The following UGT1A7 variants were observed in gnomAD, a reference collection of about 807,000 sequenced individuals.
UGT1A7 encodes UDP-glucuronosyltransferase 1A7.
UGT1A7 carries 33 observed loss-of-function variants against 45.6 expected under a neutral mutation model. That is an observed-to-expected ratio of 0.72 (90% CI 0.55 to 0.97). UGT1A7 has a LOEUF of 0.97. Among genes scored for constraint, UGT1A7 ranks in the 50% least tolerant of loss-of-function variants. The pLI is 0.00. For missense variants in UGT1A7, 684 were observed against 666.2 expected (o/e 1.03, Z -0.29); for synonymous variants, 274 against 250.6 (o/e 1.09, Z -0.88).
Position 233,773,207 on chromosome 2 carries a change from A to G in UGT1A7, c.*648A>G, listed in dbSNP as rs1436243452. On this transcript the variant is annotated 3_prime_UTR_variant, in exon 5 of 5. Coordinates refer to ENST00000373426, the MANE Select transcript of UGT1A7 (RefSeq NM_019077.3). ...TCAAATGGAGCTGAATTTGATAAAAACCCAAAATACAGCTATGAAGTGCTG... is the reference window on the plus strand; with the variant it reads ...TCAAATGGAGCTGAATTTGATAAAAGCCCAAAATACAGCTATGAAGTGCTG... 1 of 152,384 alleles carries G rather than the reference A, an allele frequency of 6.6e-6. No homozygotes were observed. The highest frequency in any genetic ancestry group is 2.4e-5 in the African/African-American group (1 of 41,416). The allele number at this position is 152,384 out of a possible 1,614,324, so 9.4% of individuals were successfully genotyped here. A position where few individuals can be genotyped will look rare whatever the true frequency, so the allele number is the denominator to read the frequency against.
intron 1 of UGT1A7, among the ~76,000 whole-genome samples, chr2:233,715,166 G>A (rs568439911): frequency 2.0e-5 from 3 of 152,228 alleles, no homozygotes; most frequent in East Asian, 3.9e-4. Context: ...AATTACAGGC[G>A]CGAGCCACCA....
intron 1 of UGT1A7, among the ~76,000 whole-genome samples, chr2:233,737,492 C>T (rs1256761021): frequency 6.6e-6 from 1 of 152,202 alleles, no homozygotes; most frequent in Non-Finnish European, 1.5e-5. Flanking sequence ...AAAGGGAAAT[C>T]CCTCACCCTC....
Position 233,691,273 on chromosome 2 carries a change from T to A in UGT1A7, c.855+8481T>A, listed in dbSNP as rs921179484. 1.2e-5 allele frequency: 12 copies of A among 985,424 alleles called. No individual in the cohort carries two copies. In the African/African-American group the frequency reaches 2.1e-4, roughly 17 times the overall value. The allele number at this position is 985,424 out of a possible 1,614,324, so 61.0% of individuals were successfully genotyped here. On this transcript the variant is annotated intron_variant, in intron 1 of 4. Coordinates refer to ENST00000373426, the MANE Select transcript of UGT1A7 (RefSeq NM_019077.3). ...TCAAAGCAAGATGCTGCCGCCCCCA[T>A]GACTTTGATCATTGTAAGCTGCCAA...
intron 1 of UGT1A7, among the ~76,000 whole-genome samples, chr2:233,736,818 G>A (rs761920295): frequency 6.6e-6 from 1 of 152,210 alleles, no homozygotes; most frequent in Non-Finnish European, 1.5e-5. Flanking sequence ...GTCCACTCCA[G>A]ATGCTCTTTG....
chr2:233,730,543 T>G (rs1559376026), intron 1 of UGT1A7, among the ~76,000 whole-genome samples: 2 of 152,132 alleles, frequency 1.3e-5, no homozygotes, highest in African/African-American at 2.4e-5. Flanking sequence ...GGGATGGATG[T>G]CTGTGATTAG....
chr2:233,717,780 T>A, intron 1 of UGT1A7: 2 of 456,414 alleles, frequency 4.4e-6, no homozygotes, highest in African/African-American at 2.0e-5. Flanking sequence ...ATTCTCCATT[T>A]TGAAATTTGA....
In UGT1A7 at chr2:233,681,945, G is replaced by C. The variant is rs752380757; in HGVS notation, c.8G>C (p.Arg3Pro). The stretch of plus-strand genomic sequence containing the variant: ...CTGGGCTGAAGTTCTCTGATGGCTC[G>C]TGCAGGGTGGACTGGCCTCCTTCCC... MA[R>P]AGWTGLLPLY... Residue 3 changes from arginine to proline, a missense_variant, in exon 1 of 5, where the codon CGT (arginine) becomes CCT (proline). By Grantham distance (103) the Arg-to-Pro change is moderately radical. Transcript: ENST00000373426. The C allele has an allele frequency of 6.2e-7, 1 of 1,613,336 alleles. No individual in the cohort carries two copies.
rs1699312336 is a variant in UGT1A7, at chr2:233,767,034, G to A, written c.856G>A (p.Glu286Lys). ...CTGAAAATTTTTCTTCTGGCTCTAG[G>A]AATTTGAAGCCTACATTAATGCTTC... ...NCHQGKPVPMEFEAYINASGE... is the reference protein window; with the variant it reads ...NCHQGKPVPMKFEAYINASGE... The change falls in exon 2 of 5, where the codon GAA becomes AAA. Residue 286 changes from glutamate (E) to lysine (K), a missense_variant and splice_region_variant. Physicochemically the swap from Glu to Lys is moderately conservative, Grantham distance 56. Transcript: ENST00000373426. 16 of 1,614,030 alleles carry A rather than the reference G, an allele frequency of 9.9e-6. No homozygotes were observed. The highest frequency in any genetic ancestry group is 1.4e-5 in the Non-Finnish European group (16 of 1,180,002).
At chr2:233,701,202 C>T (rs954560608) in intron 1 of UGT1A7, among the ~76,000 whole-genome samples, 3 of 152,090 alleles carry the variant, frequency 2.0e-5, no homozygotes, top group African/African-American at 7.2e-5. Context: ...GTCTTTATAG[C>T]AGCATTATTT....
At chr2:233,698,293 T>A (rs1294389831) in intron 1 of UGT1A7, among the ~76,000 whole-genome samples, 2 of 152,252 alleles carry the variant, frequency 1.3e-5, no homozygotes, top group Non-Finnish European at 2.9e-5. Context: ...AAAAAAAATG[T>A]GTCTTTGGAC....
At chr2:233,748,157 C>A in intron 1 of UGT1A7, 2 of 1,600,820 alleles carry the variant, frequency 1.2e-6, no homozygotes, top group Non-Finnish European at 1.7e-6. Context: ...ACAATTGCTT[C>A]CATATCTACT....
intron 1 of UGT1A7, among the ~76,000 whole-genome samples, chr2:233,750,277 G>A (rs1168754564): frequency 6.6e-6 from 1 of 151,936 alleles, no homozygotes; most frequent in Non-Finnish European, 1.5e-5. Context: ...TTAGCAAAGA[G>A]ACTGGTGGCA....
chr2:233,737,914 TA>T (rs1690631696), intron 1 of UGT1A7, among the ~76,000 whole-genome samples: 4 of 152,128 alleles, frequency 2.6e-5, no homozygotes, highest in African/African-American at 4.8e-5. Flanking sequence ...AAGAACAGGC[TA>T]GTGTATTTAG....
chr2:233,740,944 C>A (rs1030329888), intron 1 of UGT1A7: 6 of 151,278 alleles, frequency 4.0e-5, no homozygotes, highest in African/African-American at 1.5e-4. Flanking sequence ...TTTTAATTAG[C>A]TAGGTGTGGT....
At chr2:233,743,750 A>G in intron 1 of UGT1A7, 1 of 1,367,324 alleles carries the variant, frequency 7.3e-7, no homozygotes, top group Non-Finnish European at 9.8e-7. Flanking sequence ...GGCGTCCGAC[A>G]ACACCTCGTA....
chr2:233,738,126 G>C (rs1690706734), intron 1 of UGT1A7, among the ~76,000 whole-genome samples: 1 of 152,046 alleles, frequency 6.6e-6, no homozygotes, highest in Non-Finnish European at 1.5e-5. Flanking sequence ...TTTTATAAGG[G>C]GCCCTTATCC....
At chr2:233,690,776 TACAC>T (rs34459843) in intron 1 of UGT1A7, 316,428 of 1,034,224 alleles carry the variant, frequency 0.31, 30,806 homozygotes, top group South Asian at 0.36. Context: ...CACACACACA[TACAC>T]ACACACACAC....
intron 1 of UGT1A7, among the ~76,000 whole-genome samples, chr2:233,758,061 G>A (rs554813737): frequency 6.6e-6 from 1 of 152,232 alleles, no homozygotes; most frequent in Non-Finnish European, 1.5e-5. Context: ...TTTCTAACTT[G>A]ACTTTCTGGG....
At chr2:233,717,189 G>A (rs769962045) in intron 1 of UGT1A7, among the ~76,000 whole-genome samples, 4 of 152,156 alleles carry the variant, frequency 2.6e-5, no homozygotes, top group South Asian at 2.1e-4. Context: ...CACCCTCCCA[G>A]GCATGTTCCA....
Sources: gnomAD v4.1 joint callset for allele counts (sites outside exome capture counted in the v4.1 genomes callset) on GRCh38, gnomAD v4.1.1 for gene constraint, MANE v1.5 for transcripts, NCBI Gene and HGNC (gene_info 2026-07-23, HGNC 2026-07-21) for gene names.